UNC80: variants seen among roughly 807,000 people sequenced by gnomAD.
UNC80 encodes the protein unc-80 subunit of NALCN channel complex, also known as protein unc-80 homolog.
A neutral mutation model predicts 384.6 loss-of-function variants in UNC80; 164 were observed. The observed-to-expected ratio is 0.43, with a 90% confidence interval of 0.38 to 0.49. UNC80 has a LOEUF of 0.49. UNC80 is among the 20% of genes least tolerant of loss of function. UNC80 has a pLI of 0.00. For synonymous variants in UNC80, 1,486 were observed against 1,527.8 expected, an observed-to-expected ratio of 0.97 and a Z score of 0.64; for missense variants, 3,330 against 4,143.0, an observed-to-expected ratio of 0.80 and a Z score of 5.39.
chr2:209,970,163 G>A, intron 53 of UNC80: 3 of 408,476 alleles, frequency 7.3e-6, no homozygotes. Context: ...GAGAGTTGAG[G>A]GCTGCCAGTT....
rs1249685600 is a variant in UNC80, at chr2:209,995,623, T to C, written c.*28T>C. 5 of 1,546,846 alleles carry C rather than the reference T, an allele frequency of 3.2e-6. No homozygotes were observed. The East Asian group carries it at 1.2e-4, about 38-fold the overall frequency. ...CTGTATCTTGTAAGCTCTGCAGGTA[T>C]AGAGAAGACATGAAAGTGATCTCTC... On this transcript the variant is annotated 3_prime_UTR_variant, in exon 65 of 65. Coordinates refer to ENST00000673920, the MANE Select transcript of UNC80 (RefSeq NM_001371986.1).
rs575849075 is a variant in UNC80, at chr2:209,997,741, T to G, written c.*2146T>G. 6.6e-6 allele frequency: 1 copy of G among 152,240 alleles called. No individual in the cohort carries two copies. Among genetic ancestry groups the G allele is most frequent in the East Asian group, 1.9e-4 (1 of 5,180 alleles). 9.4% of individuals were successfully genotyped at this position (152,240 alleles called of 1,614,324 possible). On this transcript the variant is annotated 3_prime_UTR_variant, in exon 65 of 65. Coordinates refer to ENST00000673920, the MANE Select transcript of UNC80 (RefSeq NM_001371986.1). ...AGCCTCCACTCTGAGAAACAGGGCC[T>G]TATAGAGTAGGAATGTTTTCATACT...
intron 4 of UNC80, 109 bp from the exon 5 acceptor site, chr2:209,785,957 T>G (rs554551782): frequency 7.9e-7 from 1 of 1,270,408 alleles, no homozygotes; most frequent in Non-Finnish European, 1.1e-6. Context: ...GGCAGATAAA[T>G]TCACTCTGAA....
chr2:209,931,282 T>C (rs1456216802), intron 38 of UNC80, among the ~76,000 whole-genome samples: 1 of 151,914 alleles, frequency 6.6e-6, no homozygotes, highest in Non-Finnish European at 1.5e-5. Flanking sequence ...AACTTTCTTA[T>C]GTTTGTTGTT....
Position 209,939,252 on chromosome 2 carries a change from T to G in UNC80, c.6466-220T>G, listed in dbSNP as rs113840333. ...CTAAAACTCCATAAGGAACATTTCCTTCTGTAAAGCAGGCAGAAGGAAGTA... is the reference window on the plus strand; with the variant it reads ...CTAAAACTCCATAAGGAACATTTCCGTCTGTAAAGCAGGCAGAAGGAAGTA... On this transcript the variant is annotated intron_variant, in intron 42 of 64. Coordinates refer to ENST00000673920, the MANE Select transcript of UNC80 (RefSeq NM_001371986.1). Among the ~76,000 whole-genome samples the G allele has an allele frequency of 4.2e-3, 646 of 152,336 alleles. 2 individuals are homozygous for G. The highest frequency in any genetic ancestry group is 0.015 in the African/African-American group (619 of 41,578).
intron 59 of UNC80, 145 bp from the exon 60 acceptor site, chr2:209,982,034 G>A (rs2125022813): frequency 1.4e-6 from 1 of 724,890 alleles, no homozygotes; most frequent in African/African-American, 1.8e-5. Flanking sequence ...TTTTTTATCT[G>A]TATGAAGGGA....
At chr2:209,915,813 C>T (rs1405769231) in intron 31 of UNC80, among the ~76,000 whole-genome samples, 5 of 152,110 alleles carry the variant, frequency 3.3e-5, no homozygotes, top group African/African-American at 1.2e-4. Flanking sequence ...TGTTCAAAAG[C>T]ATAGTAGTGT....
intron 25 of UNC80, among the ~76,000 whole-genome samples, chr2:209,887,382 C>A (rs149583735): frequency 6.6e-6 from 1 of 152,102 alleles, no homozygotes; most frequent in East Asian, 1.9e-4. Context: ...TCTCATCTTT[C>A]TTTCATAGCC....
intron 28 of UNC80, among the ~76,000 whole-genome samples, chr2:209,898,406 A>T (rs2087021675): frequency 6.6e-6 from 1 of 152,154 alleles, no homozygotes; most frequent in Admixed American, 6.5e-5. Context: ...ATATATGTTC[A>T]TATCATTCAG....
At chr2:209,817,204 T>C in intron 10 of UNC80, 79 bp downstream of exon 10, 4 of 1,366,028 alleles carry the variant, frequency 2.9e-6, no homozygotes, top group Non-Finnish European at 4.0e-6. Flanking sequence ...TGGGCAAATC[T>C]GAATCTTTCT....
At chr2:209,924,841 A>C (rs1360150996) in intron 35 of UNC80, among the ~76,000 whole-genome samples, 1 of 151,948 alleles carries the variant, frequency 6.6e-6, no homozygotes, top group Non-Finnish European at 1.5e-5. Context: ...AGTCAAGCTA[A>C]ATAAAGACAA....
Position 209,969,958 on chromosome 2 carries a change from T to C in UNC80, c.8130+67T>C, listed in dbSNP as rs2092835758. 3 of 1,529,032 alleles carry C rather than the reference T, an allele frequency of 2.0e-6. No individual in the cohort carries two copies. In the Admixed American group the frequency reaches 6.1e-5, roughly 31 times the overall value. 94.7% of individuals were successfully genotyped at this position (1,529,032 alleles called of 1,614,324 possible). On this transcript the variant is annotated intron_variant, in intron 53 of 64. Transcript: ENST00000673920. ...TAACTCTGCTATTGACTTCTCTGAATTGAAGATTTACAGGTCAACCACTTT... is the reference window on the plus strand; with the variant it reads ...TAACTCTGCTATTGACTTCTCTGAACTGAAGATTTACAGGTCAACCACTTT...
chr2:209,941,456 C>T lies in UNC80; in HGVS notation c.6882C>T (p.Ser2294=), dbSNP rs753368038. The change falls in exon 44 of 65, where the codon AGC becomes AGT. Residue 2294 remains serine, a synonymous_variant. Transcript: ENST00000673920. ...ACTTCAACCACCTCTTCTCTCTCAG[C>T]GGCTACCAGTGGATTCTCCCCACCA... ...AVHFNHLFSL[S]GYQWILPTML... The T allele has an allele frequency of 2.7e-5, 42 of 1,541,448 alleles. No homozygotes were observed. The highest frequency in any genetic ancestry group is 2.1e-4 in the African/African-American group (15 of 72,906).
intron 51 of UNC80, among the ~76,000 whole-genome samples, chr2:209,964,528 C>T (rs1243712547): frequency 1.3e-5 from 2 of 152,120 alleles, no homozygotes; most frequent in African/African-American, 4.8e-5. Flanking sequence ...GTTGTTCACG[C>T]CTGTAATCCC....
intron 7 of UNC80, among the ~76,000 whole-genome samples, chr2:209,802,714 G>A (rs1266432429): frequency 2.0e-5 from 3 of 151,568 alleles, no homozygotes; most frequent in African/African-American, 4.9e-5. Flanking sequence ...ATTATCTTTC[G>A]ATTTTAGGGG....
At chr2:209,780,023 G>A (rs956632762) in intron 4 of UNC80, among the ~76,000 whole-genome samples, 1 of 152,160 alleles carries the variant, frequency 6.6e-6, no homozygotes, top group Non-Finnish European at 1.5e-5. Flanking sequence ...TAAATTTATA[G>A]GGCATTGTGA....
intron 4 of UNC80, among the ~76,000 whole-genome samples, chr2:209,780,705 G>A (rs2077109670): frequency 6.6e-6 from 1 of 152,164 alleles, no homozygotes; most frequent in Non-Finnish European, 1.5e-5. Context: ...GTGGGTGTGT[G>A]GGAGGGAATT....
At position 209,912,589 on chromosome 2, in the gene UNC80, T is replaced by C; in HGVS notation, c.4812T>C (p.Pro1604=). The part of the protein sequence containing the change: ...ECSDKSCLRT[P]SLKKRVSDAN... ...CAGATAAGTCATGCCTGAGGACACC[T>C]TCTCTAAAGAAGAGAGTTTCAGATG... The change falls in exon 30 of 65, where the codon CCT becomes CCC. Residue 1604 remains proline, a synonymous_variant. Coordinates refer to ENST00000673920, the MANE Select transcript of UNC80 (RefSeq NM_001371986.1). The C allele has an allele frequency of 6.4e-7, 1 of 1,551,452 alleles. No individual in the cohort carries two copies. Among genetic ancestry groups the C allele is most frequent in the Non-Finnish European group, 8.7e-7 (1 of 1,146,756 alleles).
chr2:209,966,369 G>A (rs2092742085), intron 51 of UNC80, among the ~76,000 whole-genome samples: 1 of 152,130 alleles, frequency 6.6e-6, no homozygotes, highest in Admixed American at 6.5e-5. Context: ...ATATTTTTAT[G>A]AATGAGTATA....
Sources: allele counts gnomAD v4.1 joint callset (sites outside exome capture counted in the v4.1 genomes callset), GRCh38; gene constraint gnomAD v4.1.1; transcripts MANE v1.5; gene names NCBI Gene and HGNC (gene_info 2026-07-23, HGNC 2026-07-21).